The following PDE4D variants were observed in gnomAD, a reference collection of about 807,000 sequenced individuals.
PDE4D encodes the protein 3',5'-cyclic-AMP phosphodiesterase 4D.
Under a neutral mutation model 87.4 loss-of-function variants are expected in PDE4D, and 24 were observed. That is an observed-to-expected ratio of 0.27 (90% CI 0.20 to 0.39). The LOEUF (loss-of-function observed/expected upper bound fraction) is 0.39. Ranked by LOEUF, PDE4D falls within the 10% of genes least tolerant of loss-of-function variation. The pLI is 1.00. For missense variants in PDE4D, 714 were observed against 1,041.0 expected (o/e 0.69, Z 4.32); for synonymous variants, 384 against 383.2 (o/e 1.00, Z -0.02).
At chr5:59,549,824 T>C (rs1817824889) in intron 1 of PDE4D, among the ~76,000 whole-genome samples, 1 of 152,034 alleles carries the variant, frequency 6.6e-6, no homozygotes, top group Non-Finnish European at 1.5e-5. Context: ...AAACAAGGGA[T>C]AGCTCAGGAT....
chr5:60,282,137 T>G (rs948020657), intron 1 of PDE4D, among the ~76,000 whole-genome samples: 2 of 150,878 alleles, frequency 1.3e-5, no homozygotes, highest in East Asian at 3.9e-4. Flanking sequence ...GTACAGAATC[T>G]AAAAGGATTC....
intron 1 of PDE4D, among the ~76,000 whole-genome samples, chr5:59,219,357 G>T (rs1751961498): frequency 6.6e-6 from 1 of 151,988 alleles, no homozygotes. Flanking sequence ...TCAGAATACG[G>T]TTTGTTCTGG....
intron 6 of PDE4D, 79 bp downstream of exon 6, chr5:59,038,780 G>C: frequency 7.8e-7 from 1 of 1,277,904 alleles, no homozygotes; most frequent in Non-Finnish European, 1.0e-6. Context: ...TTTATTTCCC[G>C]GGGCTATGGG....
chr5:59,340,197 T>A (rs967111988), intron 1 of PDE4D, among the ~76,000 whole-genome samples: 1 of 152,178 alleles, frequency 6.6e-6, no homozygotes. Flanking sequence ...ATCTCATTTA[T>A]CACTTTAAAT....
intron 1 of PDE4D, among the ~76,000 whole-genome samples, chr5:60,187,287 C>A (rs1298767985): frequency 6.6e-6 from 1 of 152,022 alleles, no homozygotes; most frequent in Non-Finnish European, 1.5e-5. Flanking sequence ...AATTGAATCA[C>A]CTTTACAAAT....
At chr5:59,290,469 C>A (rs1345711960) in intron 1 of PDE4D, among the ~76,000 whole-genome samples, 2 of 152,012 alleles carry the variant, frequency 1.3e-5, no homozygotes, top group Non-Finnish European at 2.9e-5. Flanking sequence ...AACTATGAAA[C>A]TACTAAAAGA....
At chr5:59,301,523 C>T (rs1770247784) in intron 1 of PDE4D, among the ~76,000 whole-genome samples, 1 of 152,032 alleles carries the variant, frequency 6.6e-6, no homozygotes. Context: ...GAATTTCTGC[C>T]TTTTTTCCTC....
intron 1 of PDE4D, among the ~76,000 whole-genome samples, chr5:59,466,383 G>T (rs1481876404): frequency 2.6e-5 from 4 of 152,178 alleles, no homozygotes; most frequent in Non-Finnish European, 4.4e-5. Flanking sequence ...ACTCTTCACT[G>T]GGTAATTATT....
At chr5:59,899,791 A>T (rs779862934) in intron 3 of PDE4D, among the ~76,000 whole-genome samples, 10 of 152,156 alleles carry the variant, frequency 6.6e-5, no homozygotes, top group Non-Finnish European at 1.0e-4. Flanking sequence ...GTTATGGCTG[A>T]GGAATAGTAA....
intron 1 of PDE4D, among the ~76,000 whole-genome samples, chr5:60,324,791 C>T (rs1357831564): frequency 2.6e-5 from 4 of 152,324 alleles, no homozygotes; most frequent in South Asian, 4.1e-4. Context: ...ATAATACCTA[C>T]GCCTCATATG....
chr5:59,266,523 T>C (rs1248859538), intron 1 of PDE4D, among the ~76,000 whole-genome samples: 1 of 151,848 alleles, frequency 6.6e-6, no homozygotes, highest in Non-Finnish European at 1.5e-5. Flanking sequence ...CAATTTATAG[T>C]CTGACCAGAG....
intron 2 of PDE4D, among the ~76,000 whole-genome samples, chr5:60,096,448 G>T (rs1775688457): frequency 6.6e-6 from 1 of 152,010 alleles, no homozygotes; most frequent in Non-Finnish European, 1.5e-5. Context: ...TTTTTTCACA[G>T]ATGGAATCTC....
intron 3 of PDE4D, among the ~76,000 whole-genome samples, chr5:59,961,302 TA>T (rs34174642): frequency 0.26 from 34,844 of 135,830 alleles, 4,744 homozygotes; most frequent in Admixed American, 0.36. Flanking sequence ...AGACCCAGAT[TA>T]AAAAAAAAAA....
intron 1 of PDE4D, among the ~76,000 whole-genome samples, chr5:59,698,797 C>A (rs1752168232): frequency 1.3e-5 from 2 of 152,090 alleles, no homozygotes; most frequent in Non-Finnish European, 2.9e-5. Context: ...GCATTTGATT[C>A]AAAAAACTAC....
chr5:59,646,854 T>C (rs754495998), intron 1 of PDE4D, among the ~76,000 whole-genome samples: 2 of 152,044 alleles, frequency 1.3e-5, no homozygotes, highest in Non-Finnish European at 2.9e-5. Flanking sequence ...GCTAACATGG[T>C]GAAACCCTGT....
At chr5:60,210,598 A>C (rs1743083858) in intron 1 of PDE4D, among the ~76,000 whole-genome samples, 1 of 152,132 alleles carries the variant, frequency 6.6e-6, no homozygotes, top group African/African-American at 2.4e-5. Flanking sequence ...AATATCTCTG[A>C]AGTAAAAAAG....
At chr5:60,126,756 G>C (rs1779154866) in intron 2 of PDE4D, among the ~76,000 whole-genome samples, 1 of 152,128 alleles carries the variant, frequency 6.6e-6, no homozygotes, top group African/African-American at 2.4e-5. Flanking sequence ...TGGTAGGGTA[G>C]GGCTTAAGAT....
intron 1 of PDE4D, among the ~76,000 whole-genome samples, chr5:59,503,200 A>G (rs1042544395): frequency 6.6e-6 from 1 of 152,176 alleles, no homozygotes; most frequent in East Asian, 1.9e-4. Context: ...TTTACAGAGT[A>G]TGGCAAAGTG....
At chr5:60,460,788 G>A (rs886632433) in intron 1 of PDE4D, 8 of 578,018 alleles carry the variant, frequency 1.4e-5, no homozygotes, top group East Asian at 5.9e-5. Context: ...TTGCTCATCC[G>A]GAAGCAGGCA....
Sources: gnomAD v4.1 joint callset for allele counts (sites outside exome capture counted in the v4.1 genomes callset) on GRCh38, gnomAD v4.1.1 for gene constraint, MANE v1.5 for transcripts, NCBI Gene and HGNC (gene_info 2026-07-23, HGNC 2026-07-21) for gene names.